The following DPP10 variants were observed in gnomAD, a reference collection of about 807,000 sequenced individuals.
The protein encoded by DPP10 is dipeptidyl peptidase like 10.
A neutral mutation model predicts 120.9 loss-of-function variants in DPP10; 33 were observed. That is an observed-to-expected ratio of 0.27 (90% CI 0.21 to 0.37). The LOEUF is 0.37. Among genes scored for constraint, DPP10 ranks in the 10% least tolerant of loss-of-function variants. DPP10 has a pLI of 1.00. For synonymous variants in DPP10, 337 were observed against 326.1 expected, an observed-to-expected ratio of 1.03 and a Z score of -0.36; for missense variants, 816 against 942.8, an observed-to-expected ratio of 0.87 and a Z score of 1.76.
At chr2:115,048,749 A>G (rs1705253020) in intron 1 of DPP10, among the ~76,000 whole-genome samples, 1 of 152,036 alleles carries the variant, frequency 6.6e-6, no homozygotes, top group Non-Finnish European at 1.5e-5. Flanking sequence ...ATTCTCCTAC[A>G]CTTTACCAGC....
intron 1 of DPP10, among the ~76,000 whole-genome samples, chr2:115,086,702 C>T (rs1318862288): frequency 1.3e-5 from 2 of 152,092 alleles, no homozygotes; most frequent in Admixed American, 6.5e-5. Flanking sequence ...ATGACCTGCT[C>T]GCCTCGGCCT....
intron 1 of DPP10, among the ~76,000 whole-genome samples, chr2:114,679,694 A>C (rs923932910): frequency 1.3e-5 from 2 of 152,042 alleles, no homozygotes; most frequent in African/African-American, 4.8e-5. Context: ...TCTATCATAA[A>C]TTACTTATTG....
At chr2:114,801,350 T>C (rs1684233626) in intron 1 of DPP10, among the ~76,000 whole-genome samples, 1 of 149,614 alleles carries the variant, frequency 6.7e-6, no homozygotes, top group Non-Finnish European at 1.5e-5. Flanking sequence ...TTCTAGGAGG[T>C]GTAACTGATT....
intron 5 of DPP10, among the ~76,000 whole-genome samples, chr2:115,659,997 G>T (rs996753050): frequency 3.9e-5 from 6 of 152,086 alleles, no homozygotes; most frequent in Non-Finnish European, 7.4e-5. Context: ...ATAAATCCAT[G>T]GCATAGGGGT....
chr2:114,476,390 A>T (rs1367572656), intron 1 of DPP10, among the ~76,000 whole-genome samples: 3 of 152,218 alleles, frequency 2.0e-5, no homozygotes, highest in African/African-American at 7.2e-5. Flanking sequence ...TCAAATAAAA[A>T]GTAGTTGGCA....
chr2:115,151,411 A>G (rs558249186), intron 1 of DPP10, among the ~76,000 whole-genome samples: 2 of 140,896 alleles, frequency 1.4e-5, no homozygotes, highest in South Asian at 4.6e-4. Flanking sequence ...TTACTTTCTT[A>G]TACTTTTTTT....
intron 1 of DPP10, among the ~76,000 whole-genome samples, chr2:114,608,706 A>G (rs1348131201): frequency 2.0e-5 from 3 of 150,178 alleles, no homozygotes; most frequent in East Asian, 2.0e-4. Context: ...TACACAGCCA[A>G]AAAAAAAAAC....
chr2:114,952,994 CT>C lies in DPP10; in HGVS notation c.61-356234del, dbSNP rs35383764. Among the ~76,000 whole-genome samples, 675 of 145,276 alleles carry C rather than the reference CT, an allele frequency of 4.6e-3. 3 individuals carry two copies. In the Middle Eastern group the frequency reaches 0.06, roughly 13 times the overall value. On this transcript the variant is annotated intron_variant, in intron 1 of 25. Coordinates refer to ENST00000410059, the MANE Select transcript of DPP10 (RefSeq NM_020868.6). Reference sequence around the variant, plus strand: ...CAGAGCTTGCTATTCTCTTTTGAGGCTTTTTTTTTTTCTGGATGTTGTTAAT... The same window carrying C: ...CAGAGCTTGCTATTCTCTTTTGAGGCTTTTTTTTTTCTGGATGTTGTTAAT...
In DPP10 at chr2:114,443,166, T is replaced by A. The variant is rs72949841; in HGVS notation, c.60+328T>A. Among the ~76,000 whole-genome samples the A allele has an allele frequency of 4.3e-3, 659 of 152,262 alleles. 4 individuals are homozygous for A. The highest frequency in any genetic ancestry group is 0.014 in the African/African-American group (598 of 41,544). Reference sequence around the variant, plus strand: ...TTCTTGATAGAACTGGGGAAGAATTTGCAAACTGCTAGAAATAAATAGCAT... The same window carrying A: ...TTCTTGATAGAACTGGGGAAGAATTAGCAAACTGCTAGAAATAAATAGCAT... On this transcript the variant is annotated intron_variant, in intron 1 of 25. Coordinates refer to ENST00000410059, the MANE Select transcript of DPP10 (RefSeq NM_020868.6).
intron 1 of DPP10, among the ~76,000 whole-genome samples, chr2:114,517,242 T>C (rs758180640): frequency 2.0e-5 from 3 of 152,102 alleles, no homozygotes; most frequent in Non-Finnish European, 2.9e-5. Context: ...AGGGTATGGC[T>C]GGGCACAGTG....
chr2:115,200,250 A>G (rs889817101), intron 1 of DPP10, among the ~76,000 whole-genome samples: 1 of 152,300 alleles, frequency 6.6e-6, no homozygotes, highest in Non-Finnish European at 1.5e-5. Flanking sequence ...TGTTTGAAGA[A>G]TGAAAGCATT....
At chr2:114,444,215 G>T (rs1226957821) in intron 1 of DPP10, among the ~76,000 whole-genome samples, 1 of 152,120 alleles carries the variant, frequency 6.6e-6, no homozygotes, top group African/African-American at 2.4e-5. Flanking sequence ...TGAGCTTTTG[G>T]TATAGTTTTC....
intron 3 of DPP10, among the ~76,000 whole-genome samples, chr2:115,450,402 A>G (rs1171217472): frequency 3.9e-5 from 6 of 152,074 alleles, no homozygotes; most frequent in Non-Finnish European, 8.8e-5. Flanking sequence ...GACCATCTGT[A>G]TATGACACTT....
chr2:115,812,565 A>C (rs1281661645), intron 19 of DPP10, among the ~76,000 whole-genome samples: 4 of 152,236 alleles, frequency 2.6e-5, no homozygotes, highest in Non-Finnish European at 5.9e-5. Flanking sequence ...GGTAGTAATA[A>C]ATTTCAAATG....
At chr2:115,113,439 T>A (rs1388927597) in intron 1 of DPP10, among the ~76,000 whole-genome samples, 1 of 152,076 alleles carries the variant, frequency 6.6e-6, no homozygotes, top group Non-Finnish European at 1.5e-5. Context: ...TTTTTTGCTC[T>A]TTTTTGCCCA....
intron 4 of DPP10, among the ~76,000 whole-genome samples, chr2:115,520,304 C>T (rs779615633): frequency 1.3e-4 from 20 of 152,044 alleles, no homozygotes; most frequent in Admixed American, 1.2e-3. Context: ...GGTGACAGTG[C>T]GAGACTCCAT....
Position 114,762,087 on chromosome 2 carries a change from G to A in DPP10, c.60+319249G>A, listed in dbSNP as rs190146206. On this transcript the variant is annotated intron_variant, in intron 1 of 25. Transcript: ENST00000410059. ...AAGAAATTCATGAAGCAGATGCTAC[G>A]CCTCTGAGTCACTGCTTTTATTTGC... 5.9e-5 allele frequency among the ~76,000 whole-genome samples: 9 copies of A among 152,234 alleles called. No individual in the cohort carries two copies. The East Asian group carries it at 1.2e-3, about 20-fold the overall frequency.
intron 1 of DPP10, among the ~76,000 whole-genome samples, chr2:114,536,432 G>T: frequency 8.4e-6 from 1 of 119,072 alleles, no homozygotes. Context: ...TTGAGACGTA[G>T]TCTCGCTCTG....
intron 1 of DPP10, among the ~76,000 whole-genome samples, chr2:114,719,505 T>A (rs544768700): frequency 1.2e-4 from 18 of 152,298 alleles, no homozygotes; most frequent in African/African-American, 4.3e-4. Flanking sequence ...GTGGTTTGCA[T>A]GCAGGTAGAT....
Sources: gnomAD v4.1 joint callset for allele counts (sites outside exome capture counted in the v4.1 genomes callset) on GRCh38, gnomAD v4.1.1 for gene constraint, MANE v1.5 for transcripts, NCBI Gene and HGNC (gene_info 2026-07-23, HGNC 2026-07-21) for gene names.